The following VPS37A variants were observed in gnomAD, a reference collection of about 807,000 sequenced individuals.
VPS37A encodes vacuolar protein sorting-associated protein 37A.
In VPS37A, 30 loss-of-function variants were observed where a neutral mutation model predicts 49.8. The ratio of observed to expected loss-of-function variants is 0.60; its 90% CI spans 0.45 to 0.82. VPS37A has a LOEUF of 0.82. VPS37A is among the 40% of genes least tolerant of loss of function. The pLI is 0.00. For synonymous variants in VPS37A, 195 were observed against 160.6 expected, an observed-to-expected ratio of 1.21 and a Z score of -1.62; for missense variants, 593 against 464.4, an observed-to-expected ratio of 1.28 and a Z score of -2.55.
At chr8:17,304,591 G>T, downstream of VPS37A, 2 of 1,487,238 alleles carry the variant, frequency 1.3e-6, no homozygotes, top group African/African-American at 1.4e-5. Flanking sequence ...TTATATTAAT[G>T]CTGGAAAGGA....
the VPS37A span, among the ~76,000 whole-genome samples, chr8:17,309,709 G>GC: frequency 2.0e-5 from 3 of 152,238 alleles, no homozygotes; most frequent in East Asian, 3.9e-4. Context: ...CTACTAGGAA[G>GC]GAGACCCCAC....
the VPS37A span, among the ~76,000 whole-genome samples, chr8:17,328,751 A>G: frequency 6.6e-6 from 1 of 152,222 alleles, no homozygotes; most frequent in Non-Finnish European, 1.5e-5. Context: ...GTATCCTCTT[A>G]TTACTTGAGG....
intron 1 of VPS37A, among the ~76,000 whole-genome samples, chr8:17,259,406 C>T (rs1307757388): frequency 6.6e-6 from 1 of 151,952 alleles, no homozygotes; most frequent in African/African-American, 2.4e-5. Flanking sequence ...TTATTGTTTT[C>T]TAGTTTTATT....
At chr8:17,277,947 C>G (rs1814684723) in intron 6 of VPS37A, among the ~76,000 whole-genome samples, 2 of 151,398 alleles carry the variant, frequency 1.3e-5, no homozygotes, top group South Asian at 4.2e-4. Context: ...TACATGTACA[C>G]AAATATGGGA....
chr8:17,257,801 C>A (rs183639980), intron 1 of VPS37A, among the ~76,000 whole-genome samples: 1 of 152,136 alleles, frequency 6.6e-6, no homozygotes, highest in Admixed American at 6.5e-5. Flanking sequence ...TTGTACATGT[C>A]CTCTTCAATT....
chr8:17,312,215 A>G, the VPS37A span, among the ~76,000 whole-genome samples: 1 of 152,224 alleles, frequency 6.6e-6, no homozygotes, highest in Non-Finnish European at 1.5e-5. Context: ...ATACGCTGGG[A>G]AACATGGGAG....
chr8:17,305,783 G>A (rs1817409749), downstream of VPS37A: 7 of 1,613,062 alleles, frequency 4.3e-6, no homozygotes, highest in Non-Finnish European at 5.9e-6. Context: ...CCTTTTGGCT[G>A]TTACATAGGA....
At chr8:17,314,493 T>A in the VPS37A span, among the ~76,000 whole-genome samples, 2 of 152,168 alleles carry the variant, frequency 1.3e-5, no homozygotes, top group Non-Finnish European at 1.5e-5. Flanking sequence ...TGTGAACTCT[T>A]TGAAAGCACT....
At chr8:17,309,623 A>G in the VPS37A span, among the ~76,000 whole-genome samples, 2 of 152,190 alleles carry the variant, frequency 1.3e-5, no homozygotes, top group Non-Finnish European at 1.5e-5. Context: ...ATGATCTCTA[A>G]CTGTAGGATA....
At chr8:17,278,637 T>G (rs555947871) in intron 6 of VPS37A, among the ~76,000 whole-genome samples, 1 of 152,098 alleles carries the variant, frequency 6.6e-6, no homozygotes, top group Non-Finnish European at 1.5e-5. Flanking sequence ...GTGCTTGTTC[T>G]TTTCCAAAAT....
chr8:17,286,716 T>G (rs1815627946), intron 11 of VPS37A: 1 of 260,924 alleles, frequency 3.8e-6, no homozygotes, highest in Admixed American at 5.0e-5. Context: ...TCACCTGGTG[T>G]GTAGAGTATA....
Position 17,247,089 on chromosome 8 carries a change from G to A in VPS37A, c.-156G>A. 1 of 958,046 alleles carries A rather than the reference G, an allele frequency of 1.0e-6. No individual in the cohort carries two copies. Among genetic ancestry groups the A allele is most frequent in the East Asian group, 2.6e-5 (1 of 37,846 alleles). The allele number at this position is 958,046 out of a possible 1,614,324, so 59.3% of individuals were successfully genotyped here. A position where few individuals can be genotyped will look rare whatever the true frequency, so the allele number is the denominator to read the frequency against. On this transcript the variant is annotated 5_prime_UTR_variant, in exon 1 of 12. Coordinates refer to ENST00000324849, the MANE Select transcript of VPS37A (RefSeq NM_152415.3). ...TAGCATGTCCCCCAGAACTCGGGGA[G>A]CGCAGGCAGGACAGGCTTAGAGAAG...
the VPS37A span, chr8:17,313,454 C>T: frequency 1.7e-6 from 2 of 1,161,036 alleles, no homozygotes; most frequent in South Asian, 1.4e-5. Flanking sequence ...TCTCATTTTA[C>T]ATATGATCAT....
At chr8:17,270,482 A>T (rs1813872494) in intron 4 of VPS37A, among the ~76,000 whole-genome samples, 1 of 152,120 alleles carries the variant, frequency 6.6e-6, no homozygotes, top group South Asian at 2.1e-4. Context: ...CAGGGGTGAG[A>T]TCTGAGGGTC....
intron 5 of VPS37A, among the ~76,000 whole-genome samples, chr8:17,275,271 C>G (rs997265551): frequency 6.6e-6 from 1 of 152,122 alleles, no homozygotes; most frequent in Non-Finnish European, 1.5e-5. Context: ...TTTTTCACCA[C>G]TTTCTTAGTG....
the VPS37A span, among the ~76,000 whole-genome samples, chr8:17,322,630 G>A: frequency 1.3e-5 from 2 of 151,916 alleles, no homozygotes; most frequent in Non-Finnish European, 2.9e-5. Context: ...GATCAACCTG[G>A]GTAATGTAGC....
At chr8:17,303,865 T>C (rs6587029), downstream of VPS37A, among the ~76,000 whole-genome samples, 106,105 of 152,092 alleles carry the variant, frequency 0.7, 38,093 homozygotes, top group African/African-American at 0.86. Context: ...CCGCCTCGGC[T>C]AATACATACA....
rs985276678 is a variant in VPS37A at position 17,295,381 on chromosome 8, T to C, written c.*395T>C. 7 of 152,622 alleles carry C rather than the reference T, an allele frequency of 4.6e-5. No individual in the cohort carries two copies. Among genetic ancestry groups the C allele is most frequent in the African/African-American group, 1.4e-4 (6 of 41,462 alleles). The allele number at this position is 152,622 out of a possible 1,614,324, so 9.5% of individuals were successfully genotyped here. A position where few individuals can be genotyped will look rare whatever the true frequency, so the allele number is the denominator to read the frequency against. ...GGATGGTATTTAGATTTTTTTCCTCTTAACCTTTTTTCAAAAACTATTTTC... is the reference window on the plus strand; with the variant it reads ...GGATGGTATTTAGATTTTTTTCCTCCTAACCTTTTTTCAAAAACTATTTTC... On this transcript the variant is annotated 3_prime_UTR_variant, in exon 12 of 12. Transcript: ENST00000324849.
chr8:17,307,134 T>C (rs897200486), downstream of VPS37A, among the ~76,000 whole-genome samples: 3 of 152,084 alleles, frequency 2.0e-5, no homozygotes, highest in East Asian at 3.9e-4. Context: ...TTTTGCAACC[T>C]ACTCATCTGA....
Sources: allele counts gnomAD v4.1 joint callset (sites outside exome capture counted in the v4.1 genomes callset), GRCh38; gene constraint gnomAD v4.1.1; transcripts MANE v1.5; gene names NCBI Gene and HGNC (gene_info 2026-07-23, HGNC 2026-07-21).